Variants in SASH1 observed in about 807,000 individuals in gnomAD.
The protein encoded by SASH1 is SAM and SH3 domain containing 1.
SASH1 carries 44 observed loss-of-function variants against 125.2 expected under a neutral mutation model. That is an observed-to-expected ratio of 0.35 (90% CI 0.28 to 0.45). SASH1 has a LOEUF of 0.45. Among genes scored for constraint, SASH1 ranks in the 20% least tolerant of loss-of-function variants. The probability of loss-of-function intolerance (pLI) is 1.00; values close to 1 mark genes in which losing one functional copy is unlikely to be tolerated. For missense variants in SASH1, 1,426 were observed against 1,614.5 expected, an observed-to-expected ratio of 0.88 and a Z score of 2.00; for synonymous variants, 639 against 649.1, an observed-to-expected ratio of 0.98 and a Z score of 0.24.
At chr6:148,534,620 T>C in intron 15 of SASH1, 131 bp from the exon 16 acceptor site, 1 of 875,482 alleles carries the variant, frequency 1.1e-6, no homozygotes, top group Non-Finnish European at 1.9e-6. Context: ...TTGCAAATGA[T>C]ACTTACTAAT....
At chr6:148,506,284 G>A (rs1457126104) in intron 8 of SASH1, among the ~76,000 whole-genome samples, 1 of 151,690 alleles carries the variant, frequency 6.6e-6, no homozygotes, top group Admixed American at 6.6e-5. Context: ...AGACTAGCCT[G>A]GCCAACATGG....
At chr6:148,356,370 C>T (rs1167594221) in intron 1 of SASH1, among the ~76,000 whole-genome samples, 2 of 151,960 alleles carry the variant, frequency 1.3e-5, no homozygotes, top group African/African-American at 4.8e-5. Flanking sequence ...CAGGCATGAG[C>T]CACCACACAC....
At chr6:148,215,928 G>C in the SASH1 span, among the ~76,000 whole-genome samples, 1 of 152,028 alleles carries the variant, frequency 6.6e-6, no homozygotes, top group African/African-American at 2.4e-5. Flanking sequence ...TGCGATCTTG[G>C]TTCACTGCAA....
chr6:148,507,358 TTTGTTG>T (rs140530862), intron 8 of SASH1, among the ~76,000 whole-genome samples: 76 of 150,514 alleles, frequency 5.0e-4, no homozygotes, highest in African/African-American at 1.7e-3. Flanking sequence ...CCAATTCCCT[TTTGTTG>T]TTGTTGTTGT....
At chr6:148,440,133 G>A (rs186207982) in intron 2 of SASH1, 51 bp from the exon 3 acceptor site, 26 of 1,556,746 alleles carry the variant, frequency 1.7e-5, no homozygotes, top group East Asian at 9.0e-5. Context: ...TGTCTTTCTC[G>A]CGTGTGACAT....
At chr6:148,383,748 G>T (rs539613998) in intron 1 of SASH1, among the ~76,000 whole-genome samples, 1 of 152,272 alleles carries the variant, frequency 6.6e-6, no homozygotes, top group South Asian at 2.1e-4. Context: ...TGTTTTCCTA[G>T]TAGTTTTAGG....
intron 1 of SASH1, among the ~76,000 whole-genome samples, chr6:148,306,980 C>T (rs1780144040): frequency 6.6e-6 from 1 of 152,224 alleles, no homozygotes; most frequent in African/African-American, 2.4e-5. Flanking sequence ...ACCCAGAGAA[C>T]TGGCTGCTTG....
chr6:148,435,239 G>T (rs529103881), intron 2 of SASH1, among the ~76,000 whole-genome samples: 4 of 151,976 alleles, frequency 2.6e-5, no homozygotes, highest in South Asian at 2.1e-4. Context: ...TTATCTGGGC[G>T]TGGTGGTGGG....
chr6:148,478,300 T>A (rs139376224), intron 7 of SASH1, among the ~76,000 whole-genome samples: 10,302 of 152,108 alleles, frequency 0.068, 452 homozygotes, highest in Non-Finnish European at 0.097. Context: ...GATGAATGGA[T>A]AAAGAAAATG....
At chr6:148,427,344 T>C (rs1383737801) in intron 2 of SASH1, among the ~76,000 whole-genome samples, 1 of 152,148 alleles carries the variant, frequency 6.6e-6, no homozygotes, top group African/African-American at 2.4e-5. Context: ...ATAGAACTTG[T>C]TGGATTTGTT....
chr6:148,257,312 G>T, the SASH1 span, among the ~76,000 whole-genome samples: 1 of 152,134 alleles, frequency 6.6e-6, no homozygotes, highest in African/African-American at 2.4e-5. Flanking sequence ...GGCAAATGTG[G>T]CTTGAACCTG....
chr6:148,434,741 T>C (rs186345391), intron 2 of SASH1, among the ~76,000 whole-genome samples: 3 of 152,352 alleles, frequency 2.0e-5, no homozygotes, highest in Admixed American at 2.0e-4. Context: ...CTTTTTTTAA[T>C]GTATTTAAAA....
At position 148,409,737 on chromosome 6, in the gene SASH1, C is replaced by G. The variant is rs536111002; in HGVS notation, c.285+19475C>G. ...GATCATGAGGTCAGGAGTTCGAGACCAGTCTGGCCAACATGGTGAAACCCC... is the reference window on the plus strand; with the variant it reads ...GATCATGAGGTCAGGAGTTCGAGACGAGTCTGGCCAACATGGTGAAACCCC... On this transcript the variant is annotated intron_variant, in intron 2 of 19. Coordinates refer to ENST00000367467, the MANE Select transcript of SASH1 (RefSeq NM_015278.5). 3.3e-5 allele frequency among the ~76,000 whole-genome samples: 5 copies of G among 152,238 alleles called. No homozygotes were observed. The South Asian group carries it at 1.0e-3, about 32-fold the overall frequency.
intron 1 of SASH1, among the ~76,000 whole-genome samples, chr6:148,273,710 C>G (rs1287155395): frequency 6.6e-6 from 1 of 152,182 alleles, no homozygotes; most frequent in East Asian, 1.9e-4. Flanking sequence ...GGGTGCTGAC[C>G]CCTGCCTGGC....
intron 4 of SASH1, among the ~76,000 whole-genome samples, chr6:148,448,272 A>T (rs1776905975): frequency 6.6e-6 from 1 of 152,202 alleles, no homozygotes. Context: ...GTGAGTGAGC[A>T]TGCACAAACA....
At chr6:148,383,729 A>G (rs1783247827) in intron 1 of SASH1, among the ~76,000 whole-genome samples, 1 of 152,174 alleles carries the variant, frequency 6.6e-6, no homozygotes, top group Non-Finnish European at 1.5e-5. Flanking sequence ...TAACGATACA[A>G]ATGCCTTTTG....
At chr6:148,212,157 G>A in the SASH1 span, among the ~76,000 whole-genome samples, 1 of 152,172 alleles carries the variant, frequency 6.6e-6, no homozygotes, top group Non-Finnish European at 1.5e-5. Context: ...GTTGCCCAGG[G>A]AATTGGGAGT....
At chr6:148,301,803 A>G (rs1582937073) in intron 1 of SASH1, among the ~76,000 whole-genome samples, 2 of 117,376 alleles carry the variant, frequency 1.7e-5, no homozygotes, top group South Asian at 5.7e-4. Context: ...CTATGTTGCC[A>G]TGTTGCCCAG....
At chr6:148,324,322 T>C (rs939716961) in intron 1 of SASH1, among the ~76,000 whole-genome samples, 5 of 152,018 alleles carry the variant, frequency 3.3e-5, no homozygotes, top group Non-Finnish European at 5.9e-5. Context: ...GTGGACATGG[T>C]TATTCCAAAA....
Sources: gnomAD v4.1 joint callset for allele counts (sites outside exome capture counted in the v4.1 genomes callset) on GRCh38, gnomAD v4.1.1 for gene constraint, MANE v1.5 for transcripts, NCBI Gene and HGNC (gene_info 2026-07-23, HGNC 2026-07-21) for gene names.